The following CMSS1 variants were observed in gnomAD, a reference collection of about 807,000 sequenced individuals.
CMSS1 encodes the protein cms1 ribosomal small subunit homolog, also known as protein CMSS1.
Under a neutral mutation model 43.5 loss-of-function variants are expected in CMSS1, and 33 were observed. The ratio of observed to expected loss-of-function variants is 0.76; its 90% confidence interval spans 0.57 to 1.01. The LOEUF is 1.01. Among genes scored for constraint, CMSS1 ranks in the 50% least tolerant of loss-of-function variants. The pLI is 0.00. For synonymous variants in CMSS1, 115 were observed against 117.2 expected (o/e 0.98, Z 0.12); for missense variants, 313 against 326.4 (o/e 0.96, Z 0.32).
chr3:99,904,182 T>C (rs1054062368), intron 1 of CMSS1, among the ~76,000 whole-genome samples: 1 of 152,232 alleles, frequency 6.6e-6, no homozygotes, highest in Admixed American at 6.5e-5. Context: ...TAATGATAAG[T>C]GTATGGCTTT....
intron 1 of CMSS1, among the ~76,000 whole-genome samples, chr3:99,988,243 A>G (rs1709404542): frequency 6.6e-6 from 1 of 151,410 alleles, no homozygotes; most frequent in Non-Finnish European, 1.5e-5. Context: ...CACGCCTGTA[A>G]TCCCAGCACT....
chr3:99,922,005 A>G lies in CMSS1; in HGVS notation c.64+103962A>G, dbSNP rs192292431. ...CTCCAGCCTTCCTCCAGAAGATAGT[A>G]GAGATACACAGTGAATATCAGAACT... On this transcript the variant is annotated intron_variant, in intron 1 of 9. Coordinates refer to ENST00000421999, the MANE Select transcript of CMSS1 (RefSeq NM_032359.4). Among the ~76,000 whole-genome samples the G allele has an allele frequency of 3.9e-5, 6 of 152,310 alleles. No individual in the cohort carries two copies. The East Asian group carries it at 1.2e-3, about 29-fold the overall frequency.
At position 100,102,306 on chromosome 3, in the gene CMSS1, C is replaced by T. The variant is rs539394380; in HGVS notation, c.65-44667C>T. ...TGTTGTTTCCTGACTTTTTAATGAT[C>T]GCCATTCTAACTGGTATGAGATGGT... is the stretch of plus-strand genomic sequence containing the variant. On this transcript the variant is annotated intron_variant, in intron 1 of 9. Transcript: ENST00000421999. Among the ~76,000 whole-genome samples, 224 of 152,118 alleles carry T rather than the reference C, an allele frequency of 1.5e-3. 2 individuals carry two copies. The highest frequency in any genetic ancestry group is 5.0e-3 in the African/African-American group (207 of 41,498).
chr3:99,822,827 A>G (rs546090450), intron 1 of CMSS1, among the ~76,000 whole-genome samples: 3 of 152,170 alleles, frequency 2.0e-5, no homozygotes, highest in Non-Finnish European at 2.9e-5. Flanking sequence ...ATTGCTTTAC[A>G]TGTTCTAGTT....
At chr3:100,055,599 C>T (rs1031284882) in intron 1 of CMSS1, among the ~76,000 whole-genome samples, 1 of 152,082 alleles carries the variant, frequency 6.6e-6, no homozygotes, top group Admixed American at 6.5e-5. Context: ...ATAAATTACC[C>T]ATTGCTATAC....
chr3:99,897,185 C>T (rs1243871373), intron 1 of CMSS1, among the ~76,000 whole-genome samples: 15 of 152,004 alleles, frequency 9.9e-5, no homozygotes, highest in Admixed American at 9.8e-4. Flanking sequence ...ATAGTGAAAC[C>T]CAATCTCTAC....
intron 1 of CMSS1, among the ~76,000 whole-genome samples, chr3:100,094,401 G>T (rs2066165400): frequency 6.6e-6 from 1 of 151,990 alleles, no homozygotes; most frequent in Non-Finnish European, 1.5e-5. Flanking sequence ...TCCCTTAACA[G>T]GATCTTTCAT....
chr3:100,172,499 C>T (rs2067119436), intron 8 of CMSS1, 96 bp downstream of exon 8: 1 of 886,212 alleles, frequency 1.1e-6, no homozygotes, highest in African/African-American at 1.7e-5. Flanking sequence ...ATACAAAAAC[C>T]AGACCTCTGT....
rs143737697 is a variant in CMSS1 at position 99,964,666 on chromosome 3, C to G, written c.64+146623C>G. On this transcript the variant is annotated intron_variant, in intron 1 of 9. Coordinates refer to ENST00000421999, the MANE Select transcript of CMSS1 (RefSeq NM_032359.4). ...TAAGCTAGAGCTTCCCAACCTGTTTCTCAATATGGCTCACAGAGAAGCTGG... is the reference window on the plus strand; with the variant it reads ...TAAGCTAGAGCTTCCCAACCTGTTTGTCAATATGGCTCACAGAGAAGCTGG... 4.6e-3 allele frequency among the ~76,000 whole-genome samples: 703 copies of G among 152,190 alleles called. 2 individuals carry two copies. The highest frequency in any genetic ancestry group is 6.6e-3 in the South Asian group (32 of 4,820).
At chr3:100,104,320 A>G (rs1559758820) in intron 1 of CMSS1, among the ~76,000 whole-genome samples, 1 of 152,218 alleles carries the variant, frequency 6.6e-6, no homozygotes, top group East Asian at 1.9e-4. Flanking sequence ...CCAAGATGAC[A>G]TAGCTGTGGT....
chr3:100,094,489 A>G (rs182629918), intron 1 of CMSS1, among the ~76,000 whole-genome samples: 17 of 152,190 alleles, frequency 1.1e-4, no homozygotes, highest in African/African-American at 3.9e-4. Flanking sequence ...TTAAGTATAA[A>G]AACTCTTTGT....
chr3:100,156,919 T>G (rs1021615149), intron 2 of CMSS1, among the ~76,000 whole-genome samples: 5 of 151,974 alleles, frequency 3.3e-5, no homozygotes, highest in Admixed American at 1.3e-4. Context: ...CTGGCTGTTT[T>G]TTGTTGTTGT....
chr3:100,091,212 A>G (rs144077784), intron 1 of CMSS1, among the ~76,000 whole-genome samples: 1,655 of 151,404 alleles, frequency 0.011, 20 homozygotes, highest in African/African-American at 0.025. Context: ...GTGAACCTGG[A>G]AGGCGGAACT....
At chr3:100,051,530 C>T (rs565425967) in intron 1 of CMSS1, among the ~76,000 whole-genome samples, 2 of 134,974 alleles carry the variant, frequency 1.5e-5, no homozygotes, top group South Asian at 2.6e-4. Context: ...CAACAGGCCC[C>T]GGTGTGTGAT....
At chr3:100,120,994 A>T (rs2066614355) in intron 1 of CMSS1, among the ~76,000 whole-genome samples, 1 of 152,176 alleles carries the variant, frequency 6.6e-6, no homozygotes, top group Non-Finnish European at 1.5e-5. Flanking sequence ...TGTGTGGCTC[A>T]GCTTTAACTT....
chr3:100,125,302 G>A (rs186015707), intron 1 of CMSS1, among the ~76,000 whole-genome samples: 2 of 152,256 alleles, frequency 1.3e-5, no homozygotes, highest in East Asian at 1.9e-4. Flanking sequence ...CAGGTGCTTC[G>A]TTTTGCTGGA....
intron 2 of CMSS1, among the ~76,000 whole-genome samples, chr3:100,155,479 G>A (rs546372500): frequency 6.6e-6 from 1 of 151,924 alleles, no homozygotes; most frequent in South Asian, 2.1e-4. Context: ...GTTTTGTTTT[G>A]TTTTGTTTTG....
chr3:100,091,682 T>G (rs573052318), intron 1 of CMSS1, among the ~76,000 whole-genome samples: 19 of 152,372 alleles, frequency 1.2e-4, no homozygotes, highest in African/African-American at 3.8e-4. Context: ...AAATTCCTGT[T>G]TCTGCCATCT....
chr3:100,161,006 TTGA>T (rs2067018648), intron 3 of CMSS1, among the ~76,000 whole-genome samples: 1 of 152,200 alleles, frequency 6.6e-6, no homozygotes, highest in South Asian at 2.1e-4. Context: ...ACCTTGCATT[TTGA>T]TATTTGCTGG....
Sources: allele counts gnomAD v4.1 joint callset (sites outside exome capture counted in the v4.1 genomes callset), GRCh38; gene constraint gnomAD v4.1.1; transcripts MANE v1.5; gene names NCBI Gene and HGNC (gene_info 2026-07-23, HGNC 2026-07-21).